Variants in TRPM7 observed in about 807,000 individuals in gnomAD.
TRPM7 encodes the protein LTRPC ion channel family member 7.
In TRPM7, 134 loss-of-function variants were observed where a neutral mutation model predicts 229.7. That is an observed-to-expected ratio of 0.58 (90% CI 0.51 to 0.67). The LOEUF (loss-of-function observed/expected upper bound fraction) is 0.67. Among genes scored for constraint, TRPM7 ranks in the 30% least tolerant of loss-of-function variants. The pLI is 0.00. For missense variants in TRPM7, 1,901 were observed against 2,210.0 expected, an observed-to-expected ratio of 0.86 and a Z score of 2.80; for synonymous variants, 699 against 715.2, an observed-to-expected ratio of 0.98 and a Z score of 0.36.
chr15:50,675,189 A>G (rs918550683), intron 1 of TRPM7, among the ~76,000 whole-genome samples: 1 of 152,244 alleles, frequency 6.6e-6, no homozygotes, highest in African/African-American at 2.4e-5. Flanking sequence ...CTAAAAATAT[A>G]AAAATTAGCT....
chr15:50,622,317 C>T (rs1254419875), intron 12 of TRPM7, among the ~76,000 whole-genome samples: 1 of 152,304 alleles, frequency 6.6e-6, no homozygotes, highest in Non-Finnish European at 1.5e-5. Flanking sequence ...ACTGCTTTAT[C>T]ATGTTGCAAG....
intron 4 of TRPM7, among the ~76,000 whole-genome samples, chr15:50,644,797 CA>C (rs201997665): frequency 0.012 from 745 of 64,762 alleles, 1 homozygote; most frequent in African/African-American, 0.061. Flanking sequence ...AACTGCGTCT[CA>C]AAAAAAAAAA....
At chr15:50,594,207 C>T (rs769803641) in intron 24 of TRPM7, among the ~76,000 whole-genome samples, 2 of 152,134 alleles carry the variant, frequency 1.3e-5, no homozygotes, top group Non-Finnish European at 2.9e-5. Flanking sequence ...ACCATTTTAA[C>T]AGAAACAGAG....
chr15:50,596,911 C>T (rs974777548), intron 22 of TRPM7, among the ~76,000 whole-genome samples: 15 of 152,148 alleles, frequency 9.9e-5, no homozygotes. Context: ...CCACCATGCC[C>T]AGCTAATTTT....
At chr15:50,652,046 G>A (rs1206080341) in intron 3 of TRPM7, among the ~76,000 whole-genome samples, 1 of 151,020 alleles carries the variant, frequency 6.6e-6, no homozygotes, top group East Asian at 2.0e-4. Context: ...AAAGAAAACA[G>A]AATGGGCCGG....
intron 21 of TRPM7, among the ~76,000 whole-genome samples, chr15:50,600,124 T>C (rs2059736693): frequency 1.3e-5 from 2 of 152,192 alleles, no homozygotes; most frequent in African/African-American, 4.8e-5. Flanking sequence ...ACTTACTGTC[T>C]AGCCTAGACA....
intron 1 of TRPM7, among the ~76,000 whole-genome samples, chr15:50,678,454 T>A (rs1349221838): frequency 1.3e-5 from 2 of 149,146 alleles, no homozygotes. Context: ...CAGAGTTCAA[T>A]ACATTTGACT....
At position 50,663,009 on chromosome 15, in the gene TRPM7, C is replaced by A. The variant is rs994978992; in HGVS notation, c.41G>T (p.Arg14Met). ...KSWIESTLTK[R>M]ECVYIIPSSK... ...ACTTGGTATAATATATACACATTCCCTCTTGGTCAAAGTGCTTTCTATCCA... is the reference window on the plus strand; with the variant it reads ...ACTTGGTATAATATATACACATTCCATCTTGGTCAAAGTGCTTTCTATCCA... Residue 14 changes from arginine to methionine, a missense_variant, in exon 2 of 39, where the codon AGG (arginine) becomes ATG (methionine). By Grantham distance (91) the Arg-to-Met change is moderately conservative (BLOSUM62 -1). This residue lies in a region of TRPM7 where 794 missense variants were observed against 881.9 expected (regional missense o/e 0.90). Transcript: ENST00000646667. 6.2e-7 allele frequency: 1 copy of A among 1,613,822 alleles called. No homozygotes were observed. Among genetic ancestry groups the A allele is most frequent in the Non-Finnish European group, 8.5e-7 (1 of 1,179,848 alleles).
At position 50,621,115 on chromosome 15, in the gene TRPM7, G is replaced by A. The variant is rs560718623; in HGVS notation, c.1441-1317C>T. Among the ~76,000 whole-genome samples the A allele has an allele frequency of 3.3e-4, 45 of 135,226 alleles. No individual in the cohort carries two copies. The South Asian group carries it at 8.4e-3, about 25-fold the overall frequency. The allele number at this position is 135,226 out of a possible 152,430, so 88.7% of individuals were successfully genotyped here. A position where few individuals can be genotyped will look rare whatever the true frequency, so the allele number is the denominator to read the frequency against. On this transcript the variant is annotated intron_variant, in intron 12 of 38. Coordinates refer to ENST00000646667, the MANE Select transcript of TRPM7 (RefSeq NM_017672.6). ...GCGGAGCCTGCAGTGAGCCAAGATC[G>A]CGCCACTGCACTCCAGCCTGGGCAA...
chr15:50,677,450 G>C (rs1286523662), intron 1 of TRPM7, among the ~76,000 whole-genome samples: 1 of 151,830 alleles, frequency 6.6e-6, no homozygotes, highest in Non-Finnish European at 1.5e-5. Context: ...GATTAAAAGA[G>C]AACCCAGAGG....
intron 31 of TRPM7, 141 bp from the exon 32 acceptor site, chr15:50,576,060 T>A: frequency 1.3e-6 from 1 of 788,912 alleles, no homozygotes; most frequent in Non-Finnish European, 2.0e-6. Context: ...AGGGATAAAA[T>A]ATGTCCACTG....
intron 13 of TRPM7, among the ~76,000 whole-genome samples, 169 bp downstream of exon 13, chr15:50,619,576 T>C (rs1375754765): frequency 6.6e-6 from 1 of 152,126 alleles, no homozygotes; most frequent in African/African-American, 2.4e-5. Flanking sequence ...TACATTATGC[T>C]CTTTACTCCT....
chr15:50,671,004 C>T (rs1402961489), intron 1 of TRPM7, among the ~76,000 whole-genome samples: 2 of 152,016 alleles, frequency 1.3e-5, no homozygotes, highest in South Asian at 2.1e-4. Context: ...CTATACATTG[C>T]GGAATGGCTA....
chr15:50,675,909 G>A (rs1257135221), intron 1 of TRPM7, among the ~76,000 whole-genome samples: 2 of 152,190 alleles, frequency 1.3e-5, no homozygotes, highest in East Asian at 1.9e-4. Context: ...TAGGATCCCA[G>A]CTCTGCTGTT....
chr15:50,643,033 T>G (rs1262343725), intron 5 of TRPM7, among the ~76,000 whole-genome samples: 2 of 152,242 alleles, frequency 1.3e-5, no homozygotes, highest in Non-Finnish European at 2.9e-5. Flanking sequence ...GGCTAATGCC[T>G]GTAATCCCAG....
intron 19 of TRPM7, among the ~76,000 whole-genome samples, chr15:50,608,020 A>ACTCT (rs1243272999): frequency 6.9e-6 from 1 of 145,420 alleles, no homozygotes; most frequent in Non-Finnish European, 1.5e-5. Context: ...ATGCCATTGT[A>ACTCT]CTCTAGCCTG....
Position 50,605,098 on chromosome 15 carries a change from C to A in TRPM7, c.2756G>T (p.Trp919Leu). 1 of 1,610,500 alleles carries A rather than the reference C, an allele frequency of 6.2e-7. No individual in the cohort carries two copies. Among genetic ancestry groups the A allele is most frequent in the South Asian group, 1.1e-5 (1 of 90,532 alleles). Residue 919 changes from tryptophan to leucine, a missense_variant, in exon 21 of 39, where the codon TGG becomes TTG. Physicochemically the swap from Trp to Leu is moderately conservative, Grantham distance 61. Transcript: ENST00000646667. ...ACTGATGTTGAAGTAATCACTAAAC[C>A]ATACTTTAATCTTCTGGTTTACTTT... ...AGKVNQKIKV[W>L]FSDYFNISDT...
chr15:50,611,794 C>T (rs2060068796), intron 16 of TRPM7, among the ~76,000 whole-genome samples: 1 of 152,240 alleles, frequency 6.6e-6, no homozygotes. Context: ...ACAATTATCA[C>T]TGCCCTCTAA....
chr15:50,572,541 T>C (rs2053941588), intron 36 of TRPM7, among the ~76,000 whole-genome samples: 1 of 152,250 alleles, frequency 6.6e-6, no homozygotes. Context: ...TTATATGTAC[T>C]GCAAATCCAA....
Sources: allele counts gnomAD v4.1 joint callset (sites outside exome capture counted in the v4.1 genomes callset), GRCh38; gene constraint gnomAD v4.1.1; regional missense constraint gnomAD v4.1.1; transcripts MANE v1.5; gene names NCBI Gene and HGNC (gene_info 2026-07-23, HGNC 2026-07-21).